Variants in PCDHA1 observed in about 807,000 individuals in gnomAD.
PCDHA1 encodes protocadherin alpha 1, also known as protocadherin alpha-1.
PCDHA1 carries 42 observed loss-of-function variants against 61.3 expected under a neutral mutation model. The ratio of observed to expected loss-of-function variants is 0.69; its 90% CI spans 0.54 to 0.89. PCDHA1 has a LOEUF of 0.89. PCDHA1 is among the 40% of genes least tolerant of loss of function. The pLI is 0.00. For missense variants in PCDHA1, 1,256 were observed against 1,235.3 expected (o/e 1.02, Z -0.25); for synonymous variants, 610 against 553.8 (o/e 1.10, Z -1.43).
intron 1 of PCDHA1, among the ~76,000 whole-genome samples, chr5:140,791,687 G>GA (rs1176232996): frequency 1.3e-5 from 2 of 151,998 alleles, no homozygotes; most frequent in African/African-American, 4.8e-5. Context: ...GAATTCCATG[G>GA]AAAAAATCTA....
At chr5:140,830,192 A>T in intron 1 of PCDHA1, 2 of 1,613,630 alleles carry the variant, frequency 1.2e-6, no homozygotes, top group Non-Finnish European at 1.7e-6. Flanking sequence ...CGTGTACCTG[A>T]TCATCGCCAT....
intron 3 of PCDHA1, among the ~76,000 whole-genome samples, chr5:140,992,189 G>T (rs1554252741): frequency 6.6e-6 from 1 of 152,098 alleles, no homozygotes; most frequent in Non-Finnish European, 1.5e-5. Context: ...TGCTTTCAGT[G>T]ATCTATCCAA....
intron 1 of PCDHA1, among the ~76,000 whole-genome samples, chr5:140,933,393 C>G (rs1419190705): frequency 2.6e-5 from 4 of 151,956 alleles, no homozygotes; most frequent in Admixed American, 1.3e-4. Context: ...CTAGAGCCAT[C>G]TGGTTACCAT....
At chr5:140,928,681 TC>T (rs782384924) in intron 1 of PCDHA1, 4 of 1,614,062 alleles carry the variant, frequency 2.5e-6, no homozygotes. Flanking sequence ...TGCCTGGCTT[TC>T]CTACCACATC....
intron 1 of PCDHA1, chr5:140,830,956 A>G (rs1012180465): frequency 6.6e-6 from 1 of 152,094 alleles, no homozygotes; most frequent in Non-Finnish European, 1.5e-5. Flanking sequence ...TAACGCTTTG[A>G]TTTTATCCAT....
At chr5:140,796,185 G>T in intron 1 of PCDHA1, 1 of 1,614,218 alleles carries the variant, frequency 6.2e-7, no homozygotes, top group Non-Finnish European at 8.5e-7. Flanking sequence ...ACTACTCGTT[G>T]GTGCTGGACA....
At chr5:140,867,903 A>C (rs1010800579) in intron 1 of PCDHA1, 1 of 152,144 alleles carries the variant, frequency 6.6e-6, no homozygotes, top group Non-Finnish European at 1.5e-5. Flanking sequence ...TACTTACAGA[A>C]GGTATAATTA....
chr5:140,802,344 G>A (rs782026683), intron 1 of PCDHA1: 23 of 1,614,112 alleles, frequency 1.4e-5, no homozygotes, highest in Non-Finnish European at 1.9e-5. Context: ...AGGAGTCAAT[G>A]GACAGGTCAC....
chr5:140,801,205 TCTC>T, intron 1 of PCDHA1: 1 of 1,599,612 alleles, frequency 6.3e-7, no homozygotes, highest in Non-Finnish European at 8.5e-7. Context: ...GCAATGTTGT[TCTC>T]CTGGCGAGAA....
chr5:140,849,565 T>C (rs2040964471), intron 1 of PCDHA1: 4 of 1,598,566 alleles, frequency 2.5e-6, no homozygotes, highest in South Asian at 2.2e-5. Context: ...ACGCTCTCGG[T>C]TCCTGTAAAA....
intron 1 of PCDHA1, chr5:140,829,824 G>A: frequency 6.2e-7 from 1 of 1,613,914 alleles, no homozygotes; most frequent in East Asian, 2.2e-5. Context: ...GGTGCAGTGA[G>A]CGAGCTGGTG....
At chr5:140,870,153 CG>C (rs1562639258) in intron 1 of PCDHA1, 2 of 1,614,088 alleles carry the variant, frequency 1.2e-6, no homozygotes, top group South Asian at 2.2e-5. Flanking sequence ...CTGAAGTCGC[CG>C]TGACTTCCTT....
At chr5:140,857,699 C>T (rs1554150537) in intron 1 of PCDHA1, 1 of 1,597,158 alleles carries the variant, frequency 6.3e-7, no homozygotes, top group East Asian at 2.2e-5. Flanking sequence ...CTTGACGCTG[C>T]AGGTGTTCGT....
Position 140,979,061 on chromosome 5 carries a change from A to G in PCDHA1, c.2453+54A>G, listed in dbSNP as rs374803810. 155 of 1,605,246 alleles carry G rather than the reference A, an allele frequency of 9.7e-5. No individual in the cohort carries two copies. The African/African-American group carries it at 1.8e-3, about 19-fold the overall frequency. On this transcript the variant is annotated intron_variant, in intron 2 of 3. Coordinates refer to ENST00000504120, the MANE Select transcript of PCDHA1 (RefSeq NM_018900.4). ...AAGTAACCTTAACTTGGTATGGCTC[A>G]GATAAACTGCATCTCCATAGGCCAG...
At chr5:140,845,196 T>C (rs1470721997) in intron 1 of PCDHA1, among the ~76,000 whole-genome samples, 3 of 149,356 alleles carry the variant, frequency 2.0e-5, no homozygotes, top group African/African-American at 7.4e-5. Flanking sequence ...AATATGATTG[T>C]TTTCATTTAA....
chr5:140,871,452 G>A (rs1207559291), intron 1 of PCDHA1: 2 of 1,608,490 alleles, frequency 1.2e-6, no homozygotes, highest in East Asian at 2.2e-5. Context: ...ATAAAGAGGA[G>A]GAAGGGGAAA....
In PCDHA1 at chr5:140,849,592, G is replaced by A. The variant is rs2040979573; in HGVS notation, c.2394+60908G>A. 1.3e-6 allele frequency: 2 copies of A among 1,598,672 alleles called. No individual in the cohort carries two copies. The highest frequency in any genetic ancestry group is 1.7e-6 in the Non-Finnish European group (2 of 1,167,964). On this transcript the variant is annotated intron_variant, in intron 1 of 3. Coordinates refer to ENST00000504120, the MANE Select transcript of PCDHA1 (RefSeq NM_018900.4). Reference sequence around the variant, plus strand: ...CCTGTAAAAGAGGACGCACAACTGGGGACAGTTATTGCCCTGATTAGTGTG... The same window carrying A: ...CCTGTAAAAGAGGACGCACAACTGGAGACAGTTATTGCCCTGATTAGTGTG...
chr5:140,984,419 T>C (rs564096734), intron 3 of PCDHA1, among the ~76,000 whole-genome samples: 5 of 152,290 alleles, frequency 3.3e-5, no homozygotes, highest in African/African-American at 9.6e-5. Context: ...TTTACAGAGA[T>C]AGAGAAGGGG....
At chr5:140,971,918 G>A (rs1297848346) in intron 1 of PCDHA1, among the ~76,000 whole-genome samples, 1 of 152,082 alleles carries the variant, frequency 6.6e-6, no homozygotes, top group Non-Finnish European at 1.5e-5. Context: ...CAGCCACACT[G>A]CTAGTGTTAT....
Sources: gnomAD v4.1 joint callset for allele counts (sites outside exome capture counted in the v4.1 genomes callset) on GRCh38, gnomAD v4.1.1 for gene constraint, MANE v1.5 for transcripts, NCBI Gene and HGNC (gene_info 2026-07-23, HGNC 2026-07-21) for gene names.